Variants in TMEM132D observed in about 807,000 individuals in gnomAD.
TMEM132D encodes the protein mature OL transmembrane protein.
In TMEM132D, 21 loss-of-function variants were observed where a neutral mutation model predicts 62.3. The ratio of observed to expected loss-of-function variants is 0.34; its 90% CI spans 0.24 to 0.49. The LOEUF (loss-of-function observed/expected upper bound fraction) is 0.49, where lower values mean the gene tolerates loss of function less well. Among genes scored for constraint, TMEM132D ranks in the 20% least tolerant of loss-of-function variants. The probability of loss-of-function intolerance (pLI) is 0.99; values close to 1 mark genes in which losing one functional copy is unlikely to be tolerated. For synonymous variants in TMEM132D, 621 were observed against 575.6 expected (o/e 1.08, Z -1.13); for missense variants, 1,346 against 1,402.8 (o/e 0.96, Z 0.65).
chr12:129,530,966 T>A, intron 3 of TMEM132D, 93 bp downstream of exon 3: 1 of 1,323,298 alleles, frequency 7.6e-7, no homozygotes, highest in Non-Finnish European at 1.0e-6. Flanking sequence ...CAAACCACAG[T>A]GGAAATGGTT....
intron 1 of TMEM132D, among the ~76,000 whole-genome samples, chr12:129,786,442 A>G (rs1871249929): frequency 6.6e-6 from 1 of 152,174 alleles, no homozygotes; most frequent in Admixed American, 6.5e-5. Context: ...GGGAAAAAAA[A>G]CCATACAGAA....
In TMEM132D at chr12:129,696,681, G is replaced by C. The variant is rs532846937; in HGVS notation, c.968+3129C>G. On this transcript the variant is annotated intron_variant, in intron 2 of 8. Transcript: ENST00000422113. ...TTATCTTCCTCCAGGCCCATGGCAG[G>C]TAAGTAGAGACTGGGATGCGTCTGA... is the stretch of plus-strand genomic sequence containing the variant. Among the ~76,000 whole-genome samples, 9 of 152,318 alleles carry C rather than the reference G, an allele frequency of 5.9e-5. No homozygotes were observed. The East Asian group carries it at 1.7e-3, about 29-fold the overall frequency.
intron 1 of TMEM132D, among the ~76,000 whole-genome samples, chr12:129,890,351 C>T (rs1013035232): frequency 6.6e-6 from 1 of 152,050 alleles, no homozygotes; most frequent in Non-Finnish European, 1.5e-5. Flanking sequence ...CCTGCCGGGC[C>T]CTACACCATA....
chr12:129,903,218 G>A lies in TMEM132D; in HGVS notation c.79+43C>T. 6.5e-7 allele frequency: 1 copy of A among 1,546,450 alleles called. No individual in the cohort carries two copies. The highest frequency in any genetic ancestry group is 8.8e-7 in the Non-Finnish European group (1 of 1,142,498). ...CACACACTCCCACACACTCACTCCA[G>A]GCGAAGTTAGTCCCCGGGCCCTGGC... On this transcript the variant is annotated intron_variant, in intron 1 of 8. Transcript: ENST00000422113. The surrounding 1 kb of genome is among the most constrained non-coding windows in gnomAD (Gnocchi z 6.2).
chr12:129,346,288 C>T (rs963472942), intron 3 of TMEM132D, among the ~76,000 whole-genome samples: 5 of 151,982 alleles, frequency 3.3e-5, no homozygotes, highest in Non-Finnish European at 7.4e-5. Context: ...GGAGATATCC[C>T]CTTTATCATT....
chr12:129,738,422 G>A (rs968838696), intron 1 of TMEM132D, among the ~76,000 whole-genome samples: 7 of 152,112 alleles, frequency 4.6e-5, no homozygotes, highest in African/African-American at 1.7e-4. Context: ...AAAGGAAGAG[G>A]GGGGAAGGAA....
At chr12:129,685,520 G>T (rs574137896) in intron 2 of TMEM132D, among the ~76,000 whole-genome samples, 1 of 152,316 alleles carries the variant, frequency 6.6e-6, no homozygotes, top group Non-Finnish European at 1.5e-5. Context: ...GAAATCCCTG[G>T]ATGTCCAGGC....
chr12:129,072,703 T>A lies in TMEM132D; in HGVS notation c.*1172A>T, dbSNP rs1324889531. The A allele has an allele frequency of 6.6e-6, 1 of 152,420 alleles. No homozygotes were observed. The highest frequency in any genetic ancestry group is 1.5e-5 in the Non-Finnish European group (1 of 68,218). 9.4% of individuals were successfully genotyped at this position (152,420 alleles called of 1,614,324 possible). On this transcript the variant is annotated 3_prime_UTR_variant, in exon 9 of 9. Coordinates refer to ENST00000422113, the MANE Select transcript of TMEM132D (RefSeq NM_133448.3). ...CCCCAACTCCACACGCCCTGCACGT[T>A]CCACACAGGCACCCCGATTTGTCTC...
intron 2 of TMEM132D, among the ~76,000 whole-genome samples, chr12:129,577,295 T>C (rs895500911): frequency 6.6e-6 from 1 of 151,742 alleles, no homozygotes; most frequent in Non-Finnish European, 1.5e-5. Context: ...ACAAAATTAC[T>C]ACAGTAGTGC....
At chr12:129,708,631 ACACAC>A (rs150910521) in intron 1 of TMEM132D, among the ~76,000 whole-genome samples, 84 of 70,878 alleles carry the variant, frequency 1.2e-3, no homozygotes, top group East Asian at 4.8e-3. Context: ...AAAAAAAAAA[ACACAC>A]ACACACACAC....
At chr12:129,406,946 A>G (rs1280564993) in intron 3 of TMEM132D, among the ~76,000 whole-genome samples, 1 of 152,214 alleles carries the variant, frequency 6.6e-6, no homozygotes, top group African/African-American at 2.4e-5. Context: ...TCCACCGTGC[A>G]TATTAATGAC....
chr12:129,162,148 T>C (rs926093805), intron 5 of TMEM132D, among the ~76,000 whole-genome samples: 9 of 152,078 alleles, frequency 5.9e-5, no homozygotes, highest in African/African-American at 2.2e-4. Flanking sequence ...AGGGAAGTAA[T>C]TAAGGATAAA....
chr12:129,717,810 C>T (rs1469646960), intron 1 of TMEM132D, among the ~76,000 whole-genome samples: 1 of 152,074 alleles, frequency 6.6e-6, no homozygotes, highest in East Asian at 1.9e-4. Context: ...AGAACTCTAG[C>T]AATGCCATCT....
At chr12:129,340,209 T>A (rs1003891292) in intron 3 of TMEM132D, among the ~76,000 whole-genome samples, 4 of 152,192 alleles carry the variant, frequency 2.6e-5, no homozygotes, top group Non-Finnish European at 5.9e-5. Context: ...TTTCTTTAGA[T>A]CCCTTTCCCA....
At chr12:129,651,629 T>C (rs1303974318) in intron 2 of TMEM132D, among the ~76,000 whole-genome samples, 1 of 152,176 alleles carries the variant, frequency 6.6e-6, no homozygotes, top group Non-Finnish European at 1.5e-5. Flanking sequence ...CACTTTAAAG[T>C]TAAACAACTC....
At chr12:129,695,108 ATCAT>A (rs1881171456) in intron 2 of TMEM132D, among the ~76,000 whole-genome samples, 1 of 152,224 alleles carries the variant, frequency 6.6e-6, no homozygotes, top group African/African-American at 2.4e-5. Flanking sequence ...TGATTCACAA[ATCAT>A]TCATTGCTCA....
At chr12:129,232,323 A>C (rs1043775556) in intron 4 of TMEM132D, among the ~76,000 whole-genome samples, 12 of 152,224 alleles carry the variant, frequency 7.9e-5, no homozygotes, top group Admixed American at 7.9e-4. Flanking sequence ...CTGGACAGAG[A>C]GGGCAAACTG....
chr12:129,211,189 A>G (rs1257835525), intron 4 of TMEM132D: 1 of 152,248 alleles, frequency 6.6e-6, no homozygotes, highest in Non-Finnish European at 1.5e-5. Context: ...TCAGCTCATT[A>G]CATTCCAGTG....
intron 1 of TMEM132D, among the ~76,000 whole-genome samples, chr12:129,765,480 C>T (rs1449790801): frequency 1.3e-5 from 2 of 151,198 alleles, no homozygotes; most frequent in South Asian, 2.1e-4. Context: ...GCAGGAGAAT[C>T]GCTTGAATCC....
Sources: allele counts gnomAD v4.1 joint callset (sites outside exome capture counted in the v4.1 genomes callset), GRCh38; gene constraint gnomAD v4.1.1; non-coding constraint Gnocchi (gnomAD v3.1); transcripts MANE v1.5; gene names NCBI Gene and HGNC (gene_info 2026-07-23, HGNC 2026-07-21).